BCAS3: variants seen among roughly 807,000 people sequenced by gnomAD.
BCAS3 encodes BCAS3 microtubule associated cell migration factor.
A neutral mutation model predicts 116.1 loss-of-function variants in BCAS3; 53 were observed. The observed-to-expected ratio is 0.46, with a 90% CI of 0.37 to 0.57. BCAS3 has a LOEUF of 0.57. BCAS3 is among the 20% of genes least tolerant of loss of function. The pLI is 0.00. For synonymous variants in BCAS3, 391 were observed against 408.2 expected (o/e 0.96, Z 0.51); for missense variants, 917 against 1,165.4 (o/e 0.79, Z 3.10).
Position 61,239,203 on chromosome 17 carries a change from T to C in BCAS3, c.2426-129124T>C, listed in dbSNP as rs1298296857. On this transcript the variant is annotated intron_variant, in intron 22 of 23. Coordinates refer to ENST00000407086, the MANE Select transcript of BCAS3 (RefSeq NM_017679.5). The surrounding 1 kb of genome is among the most constrained non-coding windows in gnomAD (Gnocchi z 4.2). ...AAATAGCAGGTTACCATAGTATAGA[T>C]AGTAGGAGTTGATTGGCACCAACAT... Among the ~76,000 whole-genome samples the C allele has an allele frequency of 1.3e-5, 2 of 152,182 alleles. No homozygotes were observed. The highest frequency in any genetic ancestry group is 2.4e-5 in the African/African-American group (1 of 41,448).
intron 22 of BCAS3, chr17:61,086,779 C>A: frequency 2.0e-6 from 2 of 985,328 alleles, no homozygotes; most frequent in Non-Finnish European, 2.4e-6. Flanking sequence ...CCTTCTTTAA[C>A]TTTGAGCTAA....
At chr17:60,839,468 T>A (rs2051690746) in intron 7 of BCAS3, among the ~76,000 whole-genome samples, 1 of 152,204 alleles carries the variant, frequency 6.6e-6, no homozygotes, top group Non-Finnish European at 1.5e-5. Context: ...TGGTTACCTC[T>A]CTATAAGTTG....
In BCAS3 at chr17:61,019,838, A is replaced by T. The variant is rs7216420; in HGVS notation, c.1637+3937A>T. On this transcript the variant is annotated intron_variant, in intron 16 of 23. Coordinates refer to ENST00000407086, the MANE Select transcript of BCAS3 (RefSeq NM_017679.5). The surrounding 1 kb of genome is among the most constrained non-coding windows in gnomAD (Gnocchi z 5.6). The stretch of plus-strand genomic sequence containing the variant: ...GAGCACATGAGAGTTTTCATTTTCC[A>T]TGTCTCTTTTTATTCTGGAAATTCT... Among the ~76,000 whole-genome samples, 2 of 152,138 alleles carry T rather than the reference A, an allele frequency of 1.3e-5. No individual in the cohort carries two copies. Among genetic ancestry groups the T allele is most frequent in the African/African-American group, 4.8e-5 (2 of 41,402 alleles).
In BCAS3 at chr17:61,241,227, G is replaced by C. The variant is rs1308576383; in HGVS notation, c.2426-127100G>C. 6.6e-6 allele frequency among the ~76,000 whole-genome samples: 1 copy of C among 152,090 alleles called. No individual in the cohort carries two copies. The highest frequency in any genetic ancestry group is 2.4e-5 in the African/African-American group (1 of 41,408). ...TCAGTGAGGACTCTGTTATTACTACGAATTTGTAGGTTGGTATTTAGCTTA... is the reference window on the plus strand; with the variant it reads ...TCAGTGAGGACTCTGTTATTACTACCAATTTGTAGGTTGGTATTTAGCTTA... On this transcript the variant is annotated intron_variant, in intron 22 of 23. Coordinates refer to ENST00000407086, the MANE Select transcript of BCAS3 (RefSeq NM_017679.5). This position sits in a 1 kb window ranked among gnomAD's most constrained non-coding sequence, Gnocchi z 4.6.
At chr17:61,291,928 G>A (rs9303441) in intron 22 of BCAS3, among the ~76,000 whole-genome samples, 8,709 of 152,196 alleles carry the variant, frequency 0.057, 848 homozygotes, top group African/African-American at 0.2. Flanking sequence ...AGGGTGAGGA[G>A]GAAGAGGGTG....
At chr17:60,767,484 A>G (rs1568205627) in intron 6 of BCAS3, among the ~76,000 whole-genome samples, 1 of 151,466 alleles carries the variant, frequency 6.6e-6, no homozygotes, top group Admixed American at 6.6e-5. Flanking sequence ...AGCTGGGACT[A>G]CAGGCATACA....
At position 61,333,907 on chromosome 17, in the gene BCAS3, A is replaced by G. The variant is rs1298558533; in HGVS notation, c.2426-34420A>G. On this transcript the variant is annotated intron_variant, in intron 22 of 23. Coordinates refer to ENST00000407086, the MANE Select transcript of BCAS3 (RefSeq NM_017679.5). The surrounding 1 kb of genome is among the most constrained non-coding windows in gnomAD (Gnocchi z 4.8). The stretch of plus-strand genomic sequence containing the variant: ...AGTGCTGGGATTACAGGCATGAGCC[A>G]TGGTACCCTGCCAAGTTCTTGAACC... Among the ~76,000 whole-genome samples, 1 of 152,204 alleles carries G rather than the reference A, an allele frequency of 6.6e-6. No individual in the cohort carries two copies. Among genetic ancestry groups the G allele is most frequent in the Non-Finnish European group, 1.5e-5 (1 of 68,024 alleles).
intron 7 of BCAS3, among the ~76,000 whole-genome samples, chr17:60,831,715 A>G (rs1044162943): frequency 9.9e-5 from 15 of 151,144 alleles, no homozygotes; most frequent in African/African-American, 3.6e-4. Flanking sequence ...AAGGGACAGT[A>G]TTTTGAGTGC....
intron 15 of BCAS3, among the ~76,000 whole-genome samples, chr17:61,000,200 G>A (rs2145474423): frequency 6.6e-6 from 1 of 152,234 alleles, no homozygotes; most frequent in South Asian, 2.1e-4. Flanking sequence ...AGACATCTTT[G>A]TCTTGTTCCA....
At chr17:60,972,060 A>G (rs1354210531) in intron 14 of BCAS3, among the ~76,000 whole-genome samples, 3 of 152,170 alleles carry the variant, frequency 2.0e-5, no homozygotes, top group African/African-American at 7.2e-5. Flanking sequence ...TGTTTCTGGC[A>G]TATAATATGG....
chr17:60,784,273 G>T (rs2046083936), intron 6 of BCAS3, among the ~76,000 whole-genome samples: 1 of 143,684 alleles, frequency 7.0e-6, no homozygotes, highest in African/African-American at 2.5e-5. Context: ...GATGGCGTGT[G>T]TTCTTTCTAA....
At chr17:61,064,318 A>T in intron 19 of BCAS3, among the ~76,000 whole-genome samples, 1 of 152,188 alleles carries the variant, frequency 6.6e-6, no homozygotes, top group African/African-American at 2.4e-5. Context: ...TCTTAAAAAA[A>T]AAAAAGTATA....
intron 22 of BCAS3, among the ~76,000 whole-genome samples, chr17:61,216,759 G>A (rs1365714820): frequency 6.6e-6 from 1 of 151,068 alleles, no homozygotes; most frequent in Non-Finnish European, 1.5e-5. Flanking sequence ...AGTCAGGCTG[G>A]TCTTGAACTC....
chr17:61,052,816 C>G (rs1408225038), intron 19 of BCAS3, among the ~76,000 whole-genome samples: 1 of 149,340 alleles, frequency 6.7e-6, no homozygotes, highest in African/African-American at 2.5e-5. Context: ...CCTCCCGGAT[C>G]AAGTGATCCT....
intron 14 of BCAS3, among the ~76,000 whole-genome samples, chr17:60,948,025 T>A (rs1167850839): frequency 6.6e-6 from 1 of 152,208 alleles, no homozygotes; most frequent in African/African-American, 2.4e-5. Context: ...TATGCATGAT[T>A]TACTGAGCGC....
At chr17:60,925,820 C>T (rs2059339027) in intron 13 of BCAS3, among the ~76,000 whole-genome samples, 1 of 151,064 alleles carries the variant, frequency 6.6e-6, no homozygotes, top group Non-Finnish European at 1.5e-5. Context: ...GTCTGAAATG[C>T]TTGGGACTAG....
rs1045535519 is a variant in BCAS3 at position 61,217,570 on chromosome 17, A to G, written c.2425+133006A>G. ...TGCTTTCCCCCACCCACCTCCCCTCATGGTTATTTGGAGCTATTAAAGGAG... is the reference window on the plus strand; with the variant it reads ...TGCTTTCCCCCACCCACCTCCCCTCGTGGTTATTTGGAGCTATTAAAGGAG... On this transcript the variant is annotated intron_variant, in intron 22 of 23. Coordinates refer to ENST00000407086, the MANE Select transcript of BCAS3 (RefSeq NM_017679.5). The surrounding 1 kb of genome is among the most constrained non-coding windows in gnomAD (Gnocchi z 5.2). Among the ~76,000 whole-genome samples the G allele has an allele frequency of 6.6e-6, 1 of 151,926 alleles. No homozygotes were observed. The highest frequency in any genetic ancestry group is 1.5e-5 in the Non-Finnish European group (1 of 67,972).
Position 61,118,104 on chromosome 17 carries a change from C to T in BCAS3, c.2425+33540C>T, listed in dbSNP as rs889250011. On this transcript the variant is annotated intron_variant, in intron 22 of 23. Transcript: ENST00000407086. The surrounding 1 kb of genome is among the most constrained non-coding windows in gnomAD (Gnocchi z 5.0). ...TTTTCAGTTGAAAGCTGGGCATTTC[C>T]CTATGATATGAATTGTACTTAAACC... Among the ~76,000 whole-genome samples the T allele has an allele frequency of 2.0e-5, 3 of 152,098 alleles. No individual in the cohort carries two copies. The highest frequency in any genetic ancestry group is 6.6e-5 in the Admixed American group (1 of 15,252).
intron 22 of BCAS3, among the ~76,000 whole-genome samples, chr17:61,125,541 A>T (rs57685610): frequency 0.1 from 15,269 of 152,126 alleles, 2,299 homozygotes; most frequent in African/African-American, 0.33. Context: ...GACAAAAAAA[A>T]TTTTTATCAA....
Sources: allele counts gnomAD v4.1 joint callset (sites outside exome capture counted in the v4.1 genomes callset), GRCh38; gene constraint gnomAD v4.1.1; non-coding constraint Gnocchi (gnomAD v3.1); transcripts MANE v1.5; gene names NCBI Gene and HGNC (gene_info 2026-07-23, HGNC 2026-07-21).